Variants in AGBL4 observed in about 807,000 individuals in gnomAD.
The protein encoded by AGBL4 is AGBL carboxypeptidase 4, also known as cytosolic carboxypeptidase 6.
AGBL4 carries 58 observed loss-of-function variants against 66.4 expected under a neutral mutation model. That is an observed-to-expected ratio of 0.87 (90% CI 0.71 to 1.09). The LOEUF (loss-of-function observed/expected upper bound fraction) is 1.09. AGBL4 is among the 50% of genes least tolerant of loss of function. The probability of loss-of-function intolerance (pLI) is 0.00; values close to 1 mark genes in which losing one functional copy is unlikely to be tolerated. For synonymous variants in AGBL4, 234 were observed against 222.9 expected, an observed-to-expected ratio of 1.05 and a Z score of -0.44; for missense variants, 579 against 631.0, an observed-to-expected ratio of 0.92 and a Z score of 0.88.
intron 3 of AGBL4, among the ~76,000 whole-genome samples, chr1:49,276,402 T>A (rs164834): frequency 0.048 from 7,379 of 152,194 alleles, 549 homozygotes; most frequent in African/African-American, 0.16. Flanking sequence ...AAGTAGAGAC[T>A]CAAGGATATC....
intron 6 of AGBL4, among the ~76,000 whole-genome samples, chr1:48,753,008 A>G (rs1651995760): frequency 6.6e-6 from 1 of 152,190 alleles, no homozygotes; most frequent in Admixed American, 6.5e-5. Context: ...TCGGCCTCCC[A>G]AAGTGCTGGG....
chr1:49,150,494 G>C (rs1448049760), intron 4 of AGBL4, among the ~76,000 whole-genome samples: 1 of 152,138 alleles, frequency 6.6e-6, no homozygotes, highest in African/African-American at 2.4e-5. Flanking sequence ...TCTTTAAGAG[G>C]AGAAATCTGA....
chr1:48,931,092 A>G (rs1654999850), intron 5 of AGBL4, among the ~76,000 whole-genome samples: 1 of 152,208 alleles, frequency 6.6e-6, no homozygotes, highest in Non-Finnish European at 1.5e-5. Flanking sequence ...TGCCATCTCA[A>G]TGATTTTTAC....
At position 49,844,909 on chromosome 1, in the gene AGBL4, C is replaced by G. The variant is rs1646096708; in HGVS notation, c.157+6487G>C. The G allele has an allele frequency of 8.0e-6, 11 of 1,368,548 alleles. No individual in the cohort carries two copies. In the South Asian group the frequency reaches 9.5e-5, roughly 12 times the overall value. The allele number at this position is 1,368,548 out of a possible 1,614,324, so 84.8% of individuals were successfully genotyped here. On this transcript the variant is annotated intron_variant, in intron 2 of 13. Transcript: ENST00000371839. ...GCCTTTGAAGATGCCTGTTCAGGAGCAGTGACAGAGGAATGGGTTTGGGGA... is the reference window on the plus strand; with the variant it reads ...GCCTTTGAAGATGCCTGTTCAGGAGGAGTGACAGAGGAATGGGTTTGGGGA...
At chr1:48,602,152 T>G (rs571861948) in intron 9 of AGBL4, among the ~76,000 whole-genome samples, 1 of 152,070 alleles carries the variant, frequency 6.6e-6, no homozygotes, top group Non-Finnish European at 1.5e-5. Context: ...AGCTGGCTCA[T>G]AGAGGTAATG....
intron 6 of AGBL4, among the ~76,000 whole-genome samples, chr1:48,741,672 C>G (rs1649931261): frequency 6.6e-6 from 1 of 152,120 alleles, no homozygotes; most frequent in Non-Finnish European, 1.5e-5. Flanking sequence ...TGGACAAACC[C>G]AAATAAAACA....
At chr1:49,727,426 A>T (rs973319863) in intron 2 of AGBL4, among the ~76,000 whole-genome samples, 3 of 152,166 alleles carry the variant, frequency 2.0e-5, no homozygotes, top group African/African-American at 4.8e-5. Flanking sequence ...TATTTGACAT[A>T]AAAGCATTAC....
At chr1:49,579,050 T>TA (rs1449648886) in intron 3 of AGBL4, among the ~76,000 whole-genome samples, 2 of 152,174 alleles carry the variant, frequency 1.3e-5, no homozygotes, top group African/African-American at 4.8e-5. Flanking sequence ...CCTAGCCTCC[T>TA]AGCTAACATT....
At chr1:49,923,224 C>T (rs1652442211) in intron 1 of AGBL4, among the ~76,000 whole-genome samples, 3 of 152,102 alleles carry the variant, frequency 2.0e-5, no homozygotes, top group Admixed American at 2.0e-4. Flanking sequence ...GGAAAGGACA[C>T]CCTGTTCAAT....
chr1:49,060,913 C>A (rs1212127307), intron 4 of AGBL4, among the ~76,000 whole-genome samples: 1 of 152,046 alleles, frequency 6.6e-6, no homozygotes, highest in African/African-American at 2.4e-5. Context: ...CAGGAAATGG[C>A]CTAAATTCCA....
intron 7 of AGBL4, 78 bp downstream of exon 7, chr1:48,663,074 G>T: frequency 7.4e-7 from 1 of 1,354,060 alleles, no homozygotes; most frequent in South Asian, 1.2e-5. Context: ...CTCTGCATGT[G>T]GCCACACTGT....
chr1:48,996,424 C>T (rs375610039), intron 5 of AGBL4, among the ~76,000 whole-genome samples: 6 of 151,926 alleles, frequency 3.9e-5, no homozygotes, highest in African/African-American at 7.3e-5. Context: ...TGTATGGGAG[C>T]GAAGAATACA....
At chr1:48,624,688 T>G (rs965757327) in intron 9 of AGBL4, among the ~76,000 whole-genome samples, 1 of 152,152 alleles carries the variant, frequency 6.6e-6, no homozygotes, top group East Asian at 1.9e-4. Flanking sequence ...TCCTTTGCAC[T>G]GGAGGGATTT....
At chr1:49,079,384 A>T (rs895228242) in intron 4 of AGBL4, among the ~76,000 whole-genome samples, 1 of 152,148 alleles carries the variant, frequency 6.6e-6, no homozygotes, top group Non-Finnish European at 1.5e-5. Context: ...GGCCTCAGGA[A>T]ACTTACAATC....
At chr1:49,325,874 TTC>T (rs929718807) in intron 3 of AGBL4, among the ~76,000 whole-genome samples, 1 of 152,074 alleles carries the variant, frequency 6.6e-6, no homozygotes, top group African/African-American at 2.4e-5. Flanking sequence ...AGGACGTCCC[TTC>T]TCTCTCTCTT....
At chr1:49,935,524 C>T (rs372586846) in intron 1 of AGBL4, among the ~76,000 whole-genome samples, 1 of 152,314 alleles carries the variant, frequency 6.6e-6, no homozygotes. Context: ...AACGGGCAGA[C>T]TACCTCCTCA....
intron 3 of AGBL4, among the ~76,000 whole-genome samples, chr1:49,328,864 C>T (rs1172970604): frequency 2.0e-5 from 3 of 152,220 alleles, no homozygotes; most frequent in African/African-American, 7.2e-5. Flanking sequence ...ATGCAGTGCC[C>T]TCTATCCTTG....
At chr1:49,559,960 C>T (rs1358647930) in intron 3 of AGBL4, among the ~76,000 whole-genome samples, 2 of 152,050 alleles carry the variant, frequency 1.3e-5, no homozygotes, top group African/African-American at 2.4e-5. Flanking sequence ...ATACACATCA[C>T]GACACCCAAG....
chr1:49,656,893 C>A (rs543215695), intron 3 of AGBL4, among the ~76,000 whole-genome samples: 2 of 152,252 alleles, frequency 1.3e-5, no homozygotes, highest in Non-Finnish European at 2.9e-5. Context: ...AACCCACAGC[C>A]AATATCATAC....
Sources: gnomAD v4.1 joint callset for allele counts (sites outside exome capture counted in the v4.1 genomes callset) on GRCh38, gnomAD v4.1.1 for gene constraint, MANE v1.5 for transcripts, NCBI Gene and HGNC (gene_info 2026-07-23, HGNC 2026-07-21) for gene names.